FBXO34: variants seen among roughly 807,000 people sequenced by gnomAD.
FBXO34 encodes the protein F-box only protein 34.
Under a neutral mutation model 24.5 loss-of-function variants are expected in FBXO34, and 12 were observed. That is an observed-to-expected ratio of 0.49 (90% CI 0.31 to 0.79). The LOEUF (loss-of-function observed/expected upper bound fraction) is 0.79. Ranked by LOEUF, FBXO34 falls within the 30% of genes least tolerant of loss-of-function variation. The pLI, the probability that FBXO34 is intolerant of heterozygous loss-of-function variation, is 0.04. For synonymous variants in FBXO34, 320 were observed against 311.9 expected (o/e 1.03, Z -0.27); for missense variants, 823 against 857.7 (o/e 0.96, Z 0.51).
chr14:55,392,482 T>C, the FBXO34 span, among the ~76,000 whole-genome samples: 1 of 151,966 alleles, frequency 6.6e-6, no homozygotes, highest in South Asian at 2.1e-4. Context: ...ACCCCATCTC[T>C]ACCAAAAATA....
At chr14:55,399,489 C>A in the FBXO34 span, among the ~76,000 whole-genome samples, 1 of 152,164 alleles carries the variant, frequency 6.6e-6, no homozygotes, top group African/African-American at 2.4e-5. Flanking sequence ...CCCATAGATT[C>A]ATCAGTCAGT....
intron 1 of FBXO34, among the ~76,000 whole-genome samples, chr14:55,344,608 C>T (rs925310664): frequency 1.3e-5 from 2 of 150,740 alleles, no homozygotes; most frequent in African/African-American, 2.4e-5. Flanking sequence ...AGGTTTGTTA[C>T]ACAGGTATAC....
At chr14:55,282,925 C>G (rs191023850) in intron 1 of FBXO34, among the ~76,000 whole-genome samples, 1 of 152,270 alleles carries the variant, frequency 6.6e-6, no homozygotes. Context: ...GCTTTATTGT[C>G]CAGAAACCAG....
chr14:55,377,374 T>TA, the FBXO34 span, among the ~76,000 whole-genome samples: 6 of 152,004 alleles, frequency 3.9e-5, no homozygotes, highest in African/African-American at 1.2e-4. Context: ...TGTGAATTGT[T>TA]ACGACGGACA....
chr14:55,300,455 C>T (rs1256136121), intron 1 of FBXO34, among the ~76,000 whole-genome samples: 1 of 152,160 alleles, frequency 6.6e-6, no homozygotes, highest in Admixed American at 6.5e-5. Flanking sequence ...ATTAGCCAGA[C>T]CTGGTGGCAC....
At chr14:55,422,810 G>A in the FBXO34 span, among the ~76,000 whole-genome samples, 6 of 152,166 alleles carry the variant, frequency 3.9e-5, no homozygotes, top group South Asian at 2.1e-4. Context: ...CTGAGATCGC[G>A]CCGCCATAGT....
intron 1 of FBXO34, among the ~76,000 whole-genome samples, chr14:55,306,661 T>C (rs962763001): frequency 3.3e-5 from 5 of 152,122 alleles, no homozygotes; most frequent in African/African-American, 4.8e-5. Flanking sequence ...GGCGAAACCC[T>C]GTCTCTACTA....
chr14:55,360,419 C>G (rs1010850942), intron 3 of FBXO34, among the ~76,000 whole-genome samples: 3 of 152,112 alleles, frequency 2.0e-5, no homozygotes, highest in Non-Finnish European at 4.4e-5. Context: ...AACTCCTTAT[C>G]CATTCAAGTT....
At chr14:55,432,629 G>A in the FBXO34 span, among the ~76,000 whole-genome samples, 1 of 152,164 alleles carries the variant, frequency 6.6e-6, no homozygotes, top group Non-Finnish European at 1.5e-5. Context: ...TCAAAGAAAT[G>A]TAAAACAATG....
intron 1 of FBXO34, chr14:55,335,334 T>C (rs140398225): frequency 6.6e-6 from 1 of 152,332 alleles, no homozygotes; most frequent in African/African-American, 2.4e-5. Flanking sequence ...AAGGAGTTGA[T>C]GGTAGGTAAT....
the FBXO34 span, chr14:55,424,085 G>T: frequency 1.6e-5 from 16 of 1,011,132 alleles, no homozygotes; most frequent in East Asian, 1.9e-4. Flanking sequence ...GTGAACAAAG[G>T]TATTTAAAAG....
At chr14:55,308,142 G>A (rs1478793842) in intron 1 of FBXO34, among the ~76,000 whole-genome samples, 6 of 152,228 alleles carry the variant, frequency 3.9e-5, no homozygotes, top group Admixed American at 2.6e-4. Context: ...TTAGTAGTGC[G>A]AGAACAGACT....
At chr14:55,311,984 G>A (rs376514626) in intron 1 of FBXO34, among the ~76,000 whole-genome samples, 7 of 152,094 alleles carry the variant, frequency 4.6e-5, no homozygotes, top group Admixed American at 1.3e-4. Flanking sequence ...GGCAGATCAC[G>A]AGGTAAGGCG....
chr14:55,292,715 C>T (rs1241706484), intron 1 of FBXO34, among the ~76,000 whole-genome samples: 1 of 151,998 alleles, frequency 6.6e-6, no homozygotes, highest in Non-Finnish European at 1.5e-5. Context: ...TGCATGTTTT[C>T]CCCATACCAC....
chr14:55,287,998 T>C (rs368962846), intron 1 of FBXO34, among the ~76,000 whole-genome samples: 77 of 152,362 alleles, frequency 5.1e-4, no homozygotes, highest in East Asian at 4.4e-3. Flanking sequence ...ACTTGTGGCA[T>C]CGTGTTGGAG....
intron 1 of FBXO34, among the ~76,000 whole-genome samples, chr14:55,319,403 T>C (rs1883049609): frequency 1.3e-5 from 2 of 152,336 alleles, no homozygotes; most frequent in South Asian, 4.1e-4. Context: ...ATTAAGCATT[T>C]ATATAGAAAG....
downstream of FBXO34, chr14:55,369,997 G>C (rs907953400): frequency 4.1e-6 from 6 of 1,472,146 alleles, no homozygotes; most frequent in Non-Finnish European, 5.5e-6. Context: ...CCATCTTCCT[G>C]AAGGCCCTCA....
chr14:55,311,818 C>T (rs925933819), intron 1 of FBXO34, among the ~76,000 whole-genome samples: 7 of 151,502 alleles, frequency 4.6e-5, no homozygotes, highest in Non-Finnish European at 1.5e-5. Context: ...ACCTCCACCT[C>T]CTGGGTTCAA....
the FBXO34 span, among the ~76,000 whole-genome samples, chr14:55,433,309 CTTTTTTTTT>C: frequency 2.5e-4 from 30 of 119,888 alleles, no homozygotes; most frequent in African/African-American, 3.7e-4. Context: ...TTAGATTTCT[CTTTTTTTTT>C]TTTTTTTTTT....
Sources: gnomAD v4.1 joint callset for allele counts (sites outside exome capture counted in the v4.1 genomes callset) on GRCh38, gnomAD v4.1.1 for gene constraint, MANE v1.5 for transcripts, NCBI Gene and HGNC (gene_info 2026-07-23, HGNC 2026-07-21) for gene names.